The following ZNF423 variants were observed in gnomAD, a reference collection of about 807,000 sequenced individuals.
The protein encoded by ZNF423 is Ebf-associated zinc finger protein.
ZNF423 carries 12 observed loss-of-function variants against 95.8 expected under a neutral mutation model. The observed-to-expected ratio is 0.13, with a 90% CI of 0.08 to 0.20. The LOEUF (loss-of-function observed/expected upper bound fraction) is 0.20, where lower values mean the gene tolerates loss of function less well. Among genes scored for constraint, ZNF423 ranks in the 10% least tolerant of loss-of-function variants. ZNF423 has a pLI of 1.00. For missense variants in ZNF423, 1,316 were observed against 1,737.1 expected, an observed-to-expected ratio of 0.76 and a Z score of 4.31; for synonymous variants, 749 against 711.9, an observed-to-expected ratio of 1.05 and a Z score of -0.83.
chr16:49,639,948 C>A (rs187477038), intron 3 of ZNF423, among the ~76,000 whole-genome samples: 1 of 152,324 alleles, frequency 6.6e-6, no homozygotes, highest in Admixed American at 6.5e-5. Context: ...CAGAGCCAGC[C>A]CGGGCAGGGA....
At chr16:49,683,301 G>T (rs1179689373) in intron 3 of ZNF423, among the ~76,000 whole-genome samples, 1 of 152,196 alleles carries the variant, frequency 6.6e-6, no homozygotes, top group Non-Finnish European at 1.5e-5. Context: ...CACCCTGGAA[G>T]TGTAAAATCA....
chr16:49,689,163 T>C (rs2031681629), intron 3 of ZNF423, among the ~76,000 whole-genome samples: 1 of 151,956 alleles, frequency 6.6e-6, no homozygotes, highest in Non-Finnish European at 1.5e-5. Context: ...AATTTGGGGC[T>C]GGACACAGTG....
rs1309205654 is a variant in ZNF423, at chr16:49,525,344, C to T, written c.3733+19G>A. 6.2e-7 allele frequency: 1 copy of T among 1,613,554 alleles called. No homozygotes were observed. On this transcript the variant is annotated intron_variant, in intron 6 of 7. Transcript: ENST00000563137. Reference sequence around the variant, plus strand: ...GTGTTCATCTCTCTCCCCTGAGGGGCACAAGCTGGGTACCTTACCTGTGAA... The same window carrying T: ...GTGTTCATCTCTCTCCCCTGAGGGGTACAAGCTGGGTACCTTACCTGTGAA...
At chr16:49,528,278 T>C (rs1194867620) in intron 5 of ZNF423, among the ~76,000 whole-genome samples, 3 of 151,836 alleles carry the variant, frequency 2.0e-5, no homozygotes, top group Non-Finnish European at 4.4e-5. Flanking sequence ...TGCCGAGCAA[T>C]TCATCAGCTG....
At chr16:49,684,705 G>A (rs1045437545) in intron 3 of ZNF423, among the ~76,000 whole-genome samples, 1 of 152,188 alleles carries the variant, frequency 6.6e-6, no homozygotes. Context: ...TCATGTAGGG[G>A]GTGGAACCCG....
At chr16:49,669,316 C>T (rs1355745761) in intron 3 of ZNF423, among the ~76,000 whole-genome samples, 3 of 147,550 alleles carry the variant, frequency 2.0e-5, no homozygotes, top group African/African-American at 7.6e-5. Context: ...ATAACAAGAG[C>T]GAAACTCCGT....
intron 3 of ZNF423, among the ~76,000 whole-genome samples, chr16:49,705,878 CAAGAAAAATGT>C (rs1347166399): frequency 6.6e-6 from 1 of 152,154 alleles, no homozygotes; most frequent in Non-Finnish European, 1.5e-5. Flanking sequence ...AAGCATAAAA[CAAGAAAAATGT>C]ATTTTGAGAA....
At chr16:49,694,487 C>A (rs1334259907) in intron 3 of ZNF423, among the ~76,000 whole-genome samples, 1 of 152,194 alleles carries the variant, frequency 6.6e-6, no homozygotes, top group Non-Finnish European at 1.5e-5. Context: ...ACCTTTTTGG[C>A]CACATGGTAA....
At chr16:49,744,444 C>T (rs35588455) in intron 2 of ZNF423, among the ~76,000 whole-genome samples, 12,345 of 151,160 alleles carry the variant, frequency 0.082, 548 homozygotes, top group Middle Eastern at 0.14. Flanking sequence ...GTCCCCAGGC[C>T]GAGCACACAC....
At chr16:49,854,948 T>A in intron 1 of ZNF423, 1 of 984,670 alleles carries the variant, frequency 1.0e-6, no homozygotes, top group South Asian at 4.7e-5. Flanking sequence ...AGGGTGCCGG[T>A]GCCCGGGGTC....
At position 49,633,388 on chromosome 16, in the gene ZNF423, G is replaced by A. The variant is rs117556192; in HGVS notation, c.3516+2272C>T. ...GTCAGCATGAGAAATAGTCACAATG[G>A]TTCACAAATGATGGGGAACAGGCAG... is the stretch of plus-strand genomic sequence containing the variant. On this transcript the variant is annotated intron_variant, in intron 4 of 7. Transcript: ENST00000563137. 4.5e-3 allele frequency among the ~76,000 whole-genome samples: 680 copies of A among 152,274 alleles called. 2 individuals carry two copies. The highest frequency in any genetic ancestry group is 6.6e-3 in the Admixed American group (101 of 15,302).
At chr16:49,760,294 A>G (rs886711263) in intron 2 of ZNF423, among the ~76,000 whole-genome samples, 2 of 80,624 alleles carry the variant, frequency 2.5e-5, no homozygotes, top group African/African-American at 1.0e-4. Context: ...TGGGTTGATG[A>G]ATGGATGGAT....
Position 49,635,611 on chromosome 16 carries a change from G to A in ZNF423, c.3516+49C>T. Reference sequence around the variant, plus strand: ...TACGTGGCTCCTGTGGGGACCAGAGGAGCCCCAAGGAGAGGAGCAGGGAGC... The same window carrying A: ...TACGTGGCTCCTGTGGGGACCAGAGAAGCCCCAAGGAGAGGAGCAGGGAGC... On this transcript the variant is annotated intron_variant, in intron 4 of 7. Coordinates refer to ENST00000563137, the MANE Select transcript of ZNF423 (RefSeq NM_001379286.1). This position sits in a 1 kb window ranked among gnomAD's most constrained non-coding sequence, Gnocchi z 4.8. 1 of 1,505,690 alleles carries A rather than the reference G, an allele frequency of 6.6e-7. No individual in the cohort carries two copies. Among genetic ancestry groups the A allele is most frequent in the South Asian group, 1.4e-5 (1 of 73,434 alleles). 93.3% of individuals were successfully genotyped at this position (1,505,690 alleles called of 1,614,324 possible).
chr16:49,556,323 C>G (rs576672504), intron 5 of ZNF423, among the ~76,000 whole-genome samples: 4 of 152,352 alleles, frequency 2.6e-5, no homozygotes, highest in Admixed American at 6.5e-5. Flanking sequence ...GAAGTGCCCC[C>G]TCTTCTCCAA....
intron 5 of ZNF423, among the ~76,000 whole-genome samples, chr16:49,617,649 T>C (rs892054269): frequency 4.6e-5 from 7 of 152,126 alleles, no homozygotes; most frequent in African/African-American, 1.7e-4. Flanking sequence ...AAACACACTT[T>C]GGTCTCTCTC....
chr16:49,656,623 T>G (rs2029888457), intron 3 of ZNF423, among the ~76,000 whole-genome samples: 1 of 152,340 alleles, frequency 6.6e-6, no homozygotes, highest in African/African-American at 2.4e-5. Flanking sequence ...GCTAGAACTC[T>G]GAGCTTAGAC....
At chr16:49,555,880 T>C (rs547523059) in intron 5 of ZNF423, among the ~76,000 whole-genome samples, 14 of 152,096 alleles carry the variant, frequency 9.2e-5, no homozygotes, top group African/African-American at 3.4e-4. Context: ...AAAGGATGGA[T>C]AGATGGATGG....
In ZNF423 at chr16:49,636,744, T is replaced by C. The variant is rs566790919; in HGVS notation, c.2432A>G (p.His811Arg). The C allele has an allele frequency of 6.2e-7, 1 of 1,613,976 alleles. No individual in the cohort carries two copies. Among genetic ancestry groups the C allele is most frequent in the African/African-American group, 1.3e-5 (1 of 75,024 alleles). Reference sequence around the variant, plus strand: ...GAACTTACAGTTATACTTCTTGCTGTGTGTGGTGATGTGGCACTGCAGCTC... The same window carrying C: ...GAACTTACAGTTATACTTCTTGCTGCGTGTGGTGATGTGGCACTGCAGCTC... ...EVELQCHITT[H>R]SKKYNCKFCS... Residue 811 changes from histidine to arginine, a missense_variant, in exon 4 of 8, where the codon CAC becomes CGC. Physicochemically the swap from His to Arg is conservative, Grantham distance 29 (BLOSUM62 0). Around this residue, in one of 6 missense-constraint regions of ZNF423, gnomAD observed 620 missense variants for 775.6 expected, o/e 0.80. Coordinates refer to ENST00000563137, the MANE Select transcript of ZNF423 (RefSeq NM_001379286.1). This position sits in a 1 kb window ranked among gnomAD's most constrained non-coding sequence, Gnocchi z 8.6.
intron 2 of ZNF423, among the ~76,000 whole-genome samples, chr16:49,784,434 A>T (rs1038438723): frequency 3.3e-5 from 5 of 152,202 alleles, no homozygotes; most frequent in African/African-American, 4.8e-5. Flanking sequence ...GCCAGAGATG[A>T]AAACAACCAA....
Sources: gnomAD v4.1 joint callset for allele counts (sites outside exome capture counted in the v4.1 genomes callset) on GRCh38, gnomAD v4.1.1 for gene constraint, gnomAD v4.1.1 regional missense constraint, Gnocchi (gnomAD v3.1) non-coding constraint, MANE v1.5 for transcripts, NCBI Gene and HGNC (gene_info 2026-07-23, HGNC 2026-07-21) for gene names.